The following SNX13 variants were observed in gnomAD, a reference collection of about 807,000 sequenced individuals.
The protein encoded by SNX13 is sorting nexin 13.
SNX13 carries 45 observed loss-of-function variants against 133.6 expected under a neutral mutation model. The ratio of observed to expected loss-of-function variants is 0.34; its 90% CI spans 0.27 to 0.43. The LOEUF (loss-of-function observed/expected upper bound fraction) is 0.43. Among genes scored for constraint, SNX13 ranks in the 20% least tolerant of loss-of-function variants. SNX13 has a pLI of 1.00. For missense variants in SNX13, 1,032 were observed against 1,145.1 expected, an observed-to-expected ratio of 0.90 and a Z score of 1.43; for synonymous variants, 414 against 373.9, an observed-to-expected ratio of 1.11 and a Z score of -1.24.
chr7:17,911,909 C>T (rs1562512430), intron 1 of SNX13, among the ~76,000 whole-genome samples: 1 of 152,166 alleles, frequency 6.6e-6, no homozygotes, highest in Non-Finnish European at 1.5e-5. Context: ...AGCATCAGTT[C>T]TTTCAGGCTT....
At chr7:17,850,531 T>A in intron 10 of SNX13, 96 bp from the exon 11 acceptor site, 1 of 714,826 alleles carries the variant, frequency 1.4e-6, no homozygotes, top group Non-Finnish European at 2.2e-6. Context: ...TAACCAATAA[T>A]ACAGCAACTG....
intron 1 of SNX13, among the ~76,000 whole-genome samples, chr7:17,937,094 A>G (rs11978117): frequency 0.035 from 5,253 of 150,812 alleles, 311 homozygotes; most frequent in African/African-American, 0.12. Context: ...AAAAAAATAC[A>G]TACATAAATA....
chr7:17,899,441 T>C (rs918261789), intron 1 of SNX13: 2 of 152,094 alleles, frequency 1.3e-5, no homozygotes, highest in Non-Finnish European at 2.9e-5. Flanking sequence ...GGACAATAAC[T>C]CTTAAATTTG....
intron 1 of SNX13, among the ~76,000 whole-genome samples, chr7:17,936,733 T>C (rs1802073989): frequency 6.6e-6 from 1 of 151,944 alleles, no homozygotes; most frequent in Admixed American, 6.6e-5. Context: ...TATCTTCTAA[T>C]GTTGTGAAAA....
chr7:17,876,381 G>T (rs548193712), intron 5 of SNX13, among the ~76,000 whole-genome samples: 130 of 152,242 alleles, frequency 8.5e-4, no homozygotes, highest in African/African-American at 3.0e-3. Flanking sequence ...AGAAGTTCAA[G>T]ACCAGCCTAG....
intron 12 of SNX13, among the ~76,000 whole-genome samples, chr7:17,840,974 G>A (rs1373783244): frequency 2.6e-5 from 4 of 152,002 alleles, no homozygotes; most frequent in African/African-American, 9.7e-5. Context: ...TAGCACAACT[G>A]CAGCTACCAT....
Position 17,821,510 on chromosome 7 carries a change from T to C in SNX13, c.1844A>G (p.Gln615Arg), listed in dbSNP as rs758386235. The change falls in exon 18 of 26, where the codon CAG (glutamine) becomes CGG (arginine). Residue 615 changes from glutamine to arginine, a missense_variant and splice_region_variant. Coordinates refer to ENST00000428135, the MANE Select transcript of SNX13 (RefSeq NM_015132.5). The stretch of plus-strand genomic sequence containing the variant: ...CACAAGTTTTTAAAACTTCATTACC[T>C]GTTCAGTGATTCTCATGTGGAAGTC... The part of the protein sequence containing the change: ...FHDFHMRITE[Q>R]FESLSSILKL... 1.4e-5 allele frequency: 22 copies of C among 1,607,188 alleles called. No homozygotes were observed. The highest frequency in any genetic ancestry group is 1.9e-5 in the Non-Finnish European group (22 of 1,177,176).
At chr7:17,881,403 T>C (rs1340911712) in intron 5 of SNX13, 2 of 152,058 alleles carry the variant, frequency 1.3e-5, no homozygotes, top group Non-Finnish European at 2.9e-5. Flanking sequence ...AAGATCAATA[T>C]AATAACCAAT....
At chr7:17,884,649 T>C (rs1252960738) in intron 5 of SNX13, among the ~76,000 whole-genome samples, 1 of 152,214 alleles carries the variant, frequency 6.6e-6, no homozygotes, top group Non-Finnish European at 1.5e-5. Context: ...ATTGGGTCTA[T>C]GAACATTTCA....
intron 1 of SNX13, among the ~76,000 whole-genome samples, chr7:17,913,778 A>AAAAAAAAAC: frequency 6.7e-6 from 1 of 149,734 alleles, no homozygotes; most frequent in Non-Finnish European, 1.5e-5. Context: ...AAAAAAAAAA[A>AAAAAAAAAC]AAAAGAAGCA....
intron 5 of SNX13, chr7:17,879,453 A>T (rs1024929920): frequency 6.6e-6 from 1 of 152,344 alleles, no homozygotes; most frequent in African/African-American, 2.4e-5. Flanking sequence ...ATGCATATTG[A>T]TTTATTGATT....
intron 15 of SNX13, 60 bp from the exon 16 acceptor site, chr7:17,830,107 T>C: frequency 7.4e-7 from 1 of 1,355,736 alleles, no homozygotes; most frequent in Non-Finnish European, 9.8e-7. Flanking sequence ...TTGCTTTATC[T>C]AAGGTTCAAA....
chr7:17,800,054 G>A (rs1221706194), intron 22 of SNX13, among the ~76,000 whole-genome samples: 1 of 151,622 alleles, frequency 6.6e-6, no homozygotes, highest in Non-Finnish European at 1.5e-5. Flanking sequence ...ATCAAAACCA[G>A]TAGGGAGAGG....
chr7:17,902,359 G>T (rs1797931407), intron 1 of SNX13, among the ~76,000 whole-genome samples: 1 of 150,514 alleles, frequency 6.6e-6, no homozygotes, highest in East Asian at 2.0e-4. Flanking sequence ...AGCAAGTGCA[G>T]TGCTAATTTG....
At chr7:17,927,060 A>C (rs1169955939) in intron 1 of SNX13, among the ~76,000 whole-genome samples, 1 of 152,158 alleles carries the variant, frequency 6.6e-6, no homozygotes, top group South Asian at 2.1e-4. Context: ...TGTAATAAGC[A>C]AAGATAAAAA....
intron 15 of SNX13, chr7:17,831,655 G>T: frequency 1.0e-6 from 1 of 984,132 alleles, no homozygotes; most frequent in Non-Finnish European, 1.2e-6. Flanking sequence ...AAAAAAATCA[G>T]CTGTACATTA....
At chr7:17,920,538 A>T (rs17138444) in intron 1 of SNX13, among the ~76,000 whole-genome samples, 7,094 of 152,282 alleles carry the variant, frequency 0.047, 168 homozygotes, top group South Asian at 0.089. Context: ...TGATGCTCTT[A>T]TATTTCAAAG....
chr7:17,834,663 C>T, intron 14 of SNX13, 98 bp downstream of exon 14: 1 of 668,848 alleles, frequency 1.5e-6, no homozygotes, highest in Non-Finnish European at 2.4e-6. Context: ...CTTTTTAATA[C>T]CACTCTACTT....
At chr7:17,901,329 GTC>G (rs1311772373) in intron 1 of SNX13, among the ~76,000 whole-genome samples, 1 of 152,172 alleles carries the variant, frequency 6.6e-6, no homozygotes, top group Non-Finnish European at 1.5e-5. Flanking sequence ...CCCAGCTGGT[GTC>G]TCACTGGGTG....
Sources: allele counts gnomAD v4.1 joint callset (sites outside exome capture counted in the v4.1 genomes callset), GRCh38; gene constraint gnomAD v4.1.1; transcripts MANE v1.5; gene names NCBI Gene and HGNC (gene_info 2026-07-23, HGNC 2026-07-21).